Variants in DYNC1I1 observed in about 807,000 individuals in gnomAD.
DYNC1I1 encodes dynein cytoplasmic 1 intermediate chain 1, also known as cytoplasmic dynein 1 intermediate chain 1.
Under a neutral mutation model 86.6 loss-of-function variants are expected in DYNC1I1, and 43 were observed. That is an observed-to-expected ratio of 0.50 (90% confidence interval 0.39 to 0.64). The LOEUF (loss-of-function observed/expected upper bound fraction) is 0.64. Among genes scored for constraint, DYNC1I1 ranks in the 30% least tolerant of loss-of-function variants. DYNC1I1 has a pLI of 0.00. For synonymous variants in DYNC1I1, 262 were observed against 283.7 expected (o/e 0.92, Z 0.77); for missense variants, 604 against 788.8 (o/e 0.77, Z 2.81).
chr7:95,913,798 G>A (rs1007971583), intron 6 of DYNC1I1, among the ~76,000 whole-genome samples: 1 of 152,128 alleles, frequency 6.6e-6, no homozygotes, highest in Admixed American at 6.5e-5. Context: ...TAATGCTATG[G>A]GTTTAATAAT....
chr7:95,900,113 G>A (rs1245475148), intron 6 of DYNC1I1, among the ~76,000 whole-genome samples: 1 of 152,166 alleles, frequency 6.6e-6, no homozygotes, highest in Non-Finnish European at 1.5e-5. Flanking sequence ...GAGCTTGTCT[G>A]TAGAGGGCGT....
intron 4 of DYNC1I1, among the ~76,000 whole-genome samples, chr7:95,823,275 A>G (rs1170316114): frequency 2.0e-5 from 3 of 152,132 alleles, no homozygotes; most frequent in Non-Finnish European, 4.4e-5. Flanking sequence ...TAATCTTTTC[A>G]GTGGAATTGT....
intron 14 of DYNC1I1, among the ~76,000 whole-genome samples, chr7:96,072,338 C>T (rs1377070130): frequency 2.0e-5 from 3 of 152,270 alleles, no homozygotes; most frequent in Non-Finnish European, 2.9e-5. Flanking sequence ...TGCAGTAGGC[C>T]GTGTAACAGT....
At chr7:96,029,818 T>C (rs759723847) in intron 11 of DYNC1I1, among the ~76,000 whole-genome samples, 29 of 150,668 alleles carry the variant, frequency 1.9e-4, no homozygotes, top group Non-Finnish European at 3.4e-4. Flanking sequence ...GGCTAAGGCA[T>C]AAGAATCGCT....
At chr7:95,832,375 A>G (rs947764030) in intron 5 of DYNC1I1, among the ~76,000 whole-genome samples, 65 of 151,936 alleles carry the variant, frequency 4.3e-4, no homozygotes, top group Admixed American at 2.2e-3. Flanking sequence ...ACATTGTTGA[A>G]CATTTGGGTT....
At chr7:95,861,779 C>A (rs537000101) in intron 5 of DYNC1I1, among the ~76,000 whole-genome samples, 1 of 152,112 alleles carries the variant, frequency 6.6e-6, no homozygotes, top group Non-Finnish European at 1.5e-5. Context: ...GGAAGTCATG[C>A]GAAGGTGTTC....
chr7:95,994,156 T>A (rs1484553110), intron 9 of DYNC1I1, among the ~76,000 whole-genome samples: 1 of 152,174 alleles, frequency 6.6e-6, no homozygotes, highest in Non-Finnish European at 1.5e-5. Flanking sequence ...CAAAGGATGA[T>A]ATATAAAGCC....
intron 6 of DYNC1I1, among the ~76,000 whole-genome samples, chr7:95,968,715 A>C (rs1238897197): frequency 3.3e-5 from 5 of 152,198 alleles, no homozygotes; most frequent in South Asian, 2.1e-4. Context: ...GAATTGTCTA[A>C]AAGCGGAAGT....
chr7:95,921,243 A>AC (rs1399393174), intron 6 of DYNC1I1, among the ~76,000 whole-genome samples: 1 of 152,186 alleles, frequency 6.6e-6, no homozygotes, highest in Non-Finnish European at 1.5e-5. Flanking sequence ...TGTAAAATTT[A>AC]CCCTGCATAT....
chr7:95,828,061 C>A lies in DYNC1I1; in HGVS notation c.319C>A (p.Leu107Met). 1 of 1,613,820 alleles carries A rather than the reference C, an allele frequency of 6.2e-7. No homozygotes were observed. ...TCCTTTGTGCTGCACAATTAGGACC[C>A]TGCAGTGGGACACAGACCCCTCAGT... The part of the protein sequence containing the change: ...SGDLGPLTRT[L>M]QWDTDPSVLQ... Residue 107 changes from leucine (L) to methionine (M), a missense_variant, in exon 5 of 17, where the codon CTG becomes ATG. Physicochemically the swap from Leu to Met is conservative, Grantham distance 15. Coordinates refer to ENST00000447467, the MANE Select transcript of DYNC1I1 (RefSeq NM_001135556.2).
At chr7:95,818,655 C>G (rs1014477128) in intron 4 of DYNC1I1, 4 of 491,042 alleles carry the variant, frequency 8.1e-6, no homozygotes, top group African/African-American at 1.9e-5. Context: ...CTAAAAATCT[C>G]TTACTATTAT....
chr7:95,854,266 G>T (rs1380710149), intron 5 of DYNC1I1, among the ~76,000 whole-genome samples: 1 of 151,884 alleles, frequency 6.6e-6, no homozygotes, highest in Non-Finnish European at 1.5e-5. Flanking sequence ...TTTCTCTGGT[G>T]GTATGTTTTT....
At chr7:95,974,737 A>T (rs1205535682) in intron 6 of DYNC1I1, among the ~76,000 whole-genome samples, 3 of 152,160 alleles carry the variant, frequency 2.0e-5, no homozygotes, top group African/African-American at 7.2e-5. Context: ...ATACCTGATA[A>T]ATAAAATAAT....
intron 1 of DYNC1I1, among the ~76,000 whole-genome samples, chr7:95,795,938 A>C (rs981423310): frequency 1.3e-5 from 2 of 151,590 alleles, no homozygotes; most frequent in South Asian, 4.2e-4. Flanking sequence ...CTGTGAACAA[A>C]GATGATGGTT....
intron 6 of DYNC1I1, among the ~76,000 whole-genome samples, chr7:95,972,199 G>A (rs1473689478): frequency 6.6e-6 from 1 of 152,098 alleles, no homozygotes; most frequent in Non-Finnish European, 1.5e-5. Context: ...GCCTCTAGTG[G>A]GATTTATTGG....
chr7:95,995,176 G>A (rs1260322287), intron 9 of DYNC1I1, among the ~76,000 whole-genome samples: 1 of 152,030 alleles, frequency 6.6e-6, no homozygotes, highest in Non-Finnish European at 1.5e-5. Flanking sequence ...GAACCCCTGA[G>A]GTGGAGCTTG....
intron 6 of DYNC1I1, among the ~76,000 whole-genome samples, chr7:95,877,835 A>G (rs1315505199): frequency 1.3e-5 from 2 of 152,236 alleles, no homozygotes; most frequent in Non-Finnish European, 2.9e-5. Flanking sequence ...GTTGAAAACT[A>G]TAGAGCAACA....
intron 6 of DYNC1I1, among the ~76,000 whole-genome samples, chr7:95,959,602 G>T (rs932565114): frequency 6.6e-6 from 1 of 152,160 alleles, no homozygotes; most frequent in Non-Finnish European, 1.5e-5. Flanking sequence ...TTGGGGAAGA[G>T]AACAATGAGA....
At chr7:96,087,059 A>C (rs1432284880) in intron 16 of DYNC1I1, among the ~76,000 whole-genome samples, 1 of 144,902 alleles carries the variant, frequency 6.9e-6, no homozygotes, top group African/African-American at 2.6e-5. Context: ...TGAGTAACAC[A>C]AAATAAATAC....
Sources: gnomAD v4.1 joint callset for allele counts (sites outside exome capture counted in the v4.1 genomes callset) on GRCh38, gnomAD v4.1.1 for gene constraint, MANE v1.5 for transcripts, NCBI Gene and HGNC (gene_info 2026-07-23, HGNC 2026-07-21) for gene names.